Variants in COPA observed in about 807,000 individuals in gnomAD.
COPA encodes coat protein complex I subunit alpha.
A neutral mutation model predicts 158.7 loss-of-function variants in COPA; 10 were observed. The observed-to-expected ratio is 0.06, with a 90% CI of 0.04 to 0.11. The LOEUF (loss-of-function observed/expected upper bound fraction) is 0.11. Ranked by LOEUF, COPA falls within the 10% of genes least tolerant of loss-of-function variation. The pLI, the probability that COPA is intolerant of heterozygous loss-of-function variation, is 1.00. For missense variants in COPA, 1,065 were observed against 1,536.7 expected (o/e 0.69, Z 5.13); for synonymous variants, 462 against 542.8 (o/e 0.85, Z 2.07).
rs773125884 is a variant in COPA at position 160,306,396 on chromosome 1, C to T, written c.1400G>A (p.Arg467Gln). The T allele has an allele frequency of 3.1e-6, 5 of 1,613,416 alleles. No homozygotes were observed. Among genetic ancestry groups the T allele is most frequent in the Non-Finnish European group, 4.2e-6 (5 of 1,179,622 alleles). ...FYAGTGNLLL[R>Q]DADSITLFDV... ...AAAGAGTGTGATAGAGTCCGCATCTCGAAGCAGGAGATTGCCTGTGCCAGC... is the reference window on the plus strand; with the variant it reads ...AAAGAGTGTGATAGAGTCCGCATCTTGAAGCAGGAGATTGCCTGTGCCAGC... The change falls in exon 15 of 33, where the codon CGA (arginine) becomes CAA (glutamine). Residue 467 changes from arginine to glutamine, a missense_variant. This residue lies in a region of COPA where 980 missense variants were observed against 1,357.8 expected (regional missense o/e 0.72). Transcript: ENST00000241704.
chr1:160,306,304 C>G, intron 15 of COPA, 50 bp downstream of exon 15: 1 of 1,524,154 alleles, frequency 6.6e-7, no homozygotes, highest in Non-Finnish European at 8.8e-7. Flanking sequence ...TAAAGATGTC[C>G]ACTCTCCCCA....
Position 160,313,109 on chromosome 1 carries a change from G to T in COPA, c.901C>A (p.Pro301Thr), listed in dbSNP as rs188927828. Residue 301 changes from proline to threonine, a missense_variant, in exon 10 of 33, where the codon CCT (proline) becomes ACT (threonine). Pro to Thr is a conservative substitution (Grantham distance 38). Around this residue, in one of 2 missense-constraint regions of COPA, gnomAD observed 980 missense variants for 1,357.8 expected, o/e 0.72. Transcript: ENST00000241704. ...HDRFWVLAAH[P>T]NLNLFAAGHD... is the part of the protein sequence containing the mutation. ...CCTGCTGCAAAGAGGTTAAGGTTAG[G>T]GTGAGCAGCTAGGACCCAGAAACGA... 1.9e-6 allele frequency: 3 copies of T among 1,613,948 alleles called. No individual in the cohort carries two copies. The highest frequency in any genetic ancestry group is 1.7e-5 in the Admixed American group (1 of 59,984).
chr1:160,304,469 G>T (rs1658715524), intron 17 of COPA, among the ~76,000 whole-genome samples: 1 of 151,838 alleles, frequency 6.6e-6, no homozygotes, highest in Non-Finnish European at 1.5e-5. Context: ...CTCAAAACCA[G>T]CCTGGCCAAC....
intron 1 of COPA, among the ~76,000 whole-genome samples, chr1:160,342,705 A>T (rs1177689490): frequency 6.6e-6 from 1 of 152,164 alleles, no homozygotes; most frequent in Non-Finnish European, 1.5e-5. Flanking sequence ...TGAGGTTGCC[A>T]CTACTCGTCT....
intron 6 of COPA, 112 bp downstream of exon 6, chr1:160,332,336 A>T: frequency 1.7e-6 from 1 of 594,498 alleles, no homozygotes; most frequent in South Asian, 3.1e-5. Context: ...TGCTATTATA[A>T]AACAGAATAT....
Position 160,331,603 on chromosome 1 carries a change from C to T in COPA, c.496+845G>A, listed in dbSNP as rs917820052. Reference sequence around the variant, plus strand: ...CAGAGGTTGTAGCGAGCCGAGATTGCGCCACTGCATTTCAGCATGGGTGAG... The same window carrying T: ...CAGAGGTTGTAGCGAGCCGAGATTGTGCCACTGCATTTCAGCATGGGTGAG... On this transcript the variant is annotated intron_variant, in intron 6 of 32. Coordinates refer to ENST00000241704, the MANE Select transcript of COPA (RefSeq NM_004371.4). 1.2e-3 allele frequency among the ~76,000 whole-genome samples: 173 copies of T among 149,296 alleles called. 2 individuals carry two copies. Among genetic ancestry groups the T allele is most frequent in the Non-Finnish European group, 4.6e-4 (31 of 67,590 alleles).
At chr1:160,339,719 T>A (rs1886420) in intron 3 of COPA, 190 bp downstream of exon 3, 293,208 of 500,098 alleles carry the variant, frequency 0.59, 89,368 homozygotes, top group African/African-American at 0.86. Flanking sequence ...TTGAATTCCC[T>A]AAAAAGAAAA....
In COPA at chr1:160,313,067, A is replaced by C. The variant is rs200512734; in HGVS notation, c.925+18T>G. 1.9e-6 allele frequency: 3 copies of C among 1,606,850 alleles called. No individual in the cohort carries two copies. The Admixed American group carries it at 5.1e-5, about 27-fold the overall frequency. ...ACTTTGAATTAAGCAAAGAAAAAAG[A>C]GAGAAAATGGCCCTTACCTGCTGCA... On this transcript the variant is annotated intron_variant, in intron 10 of 32. Transcript: ENST00000241704.
At chr1:160,325,880 G>C (rs1659475502) in intron 6 of COPA, among the ~76,000 whole-genome samples, 1 of 152,166 alleles carries the variant, frequency 6.6e-6, no homozygotes, top group Non-Finnish European at 1.5e-5. Context: ...ATCCATTACT[G>C]GAATTTCTTT....
chr1:160,312,448 T>TG (rs1443654594), intron 10 of COPA, among the ~76,000 whole-genome samples: 2 of 151,768 alleles, frequency 1.3e-5, no homozygotes, highest in Non-Finnish European at 1.5e-5. Flanking sequence ...TTAAAAACCC[T>TG]TTGTGATTCT....
Position 160,290,285 on chromosome 1 carries a change from C to T in COPA, c.3616-69G>A. On this transcript the variant is annotated intron_variant, in intron 32 of 32. Transcript: ENST00000241704. Reference sequence around the variant, plus strand: ...TTGAGAACCCTAGAAAATGTATTCCCTATACCCCTCAATGGGCACAGTAGA... The same window carrying T: ...TTGAGAACCCTAGAAAATGTATTCCTTATACCCCTCAATGGGCACAGTAGA... 3 of 1,564,184 alleles carry T rather than the reference C, an allele frequency of 1.9e-6. No homozygotes were observed. The South Asian group carries it at 3.4e-5, about 18-fold the overall frequency.
chr1:160,325,161 C>T (rs1413967735), intron 7 of COPA, among the ~76,000 whole-genome samples: 1 of 151,470 alleles, frequency 6.6e-6, no homozygotes, highest in Non-Finnish European at 1.5e-5. Context: ...AAACTAGTTT[C>T]TTTCCCTTAT....
rs1418870691 is a variant in COPA, at chr1:160,342,417, C to T, written c.40+714G>A. Reference sequence around the variant, plus strand: ...CGATCTCAGTATTTGCCCTCCACCCCCAACGACCCACACTCGAGCTCTAGA... The same window carrying T: ...CGATCTCAGTATTTGCCCTCCACCCTCAACGACCCACACTCGAGCTCTAGA... On this transcript the variant is annotated intron_variant, in intron 1 of 32. Transcript: ENST00000241704. Among the ~76,000 whole-genome samples the T allele has an allele frequency of 3.9e-5, 6 of 152,048 alleles. No homozygotes were observed. The East Asian group carries it at 9.6e-4, about 24-fold the overall frequency.
chr1:160,324,082 T>C (rs1659416789), intron 7 of COPA, among the ~76,000 whole-genome samples: 1 of 152,008 alleles, frequency 6.6e-6, no homozygotes, highest in Admixed American at 6.6e-5. Flanking sequence ...AGGCTGGTCT[T>C]GAACTCCCGG....
Position 160,332,510 on chromosome 1 carries a change from G to T in COPA, c.434C>A (p.Pro145His). 1 of 1,613,744 alleles carries T rather than the reference G, an allele frequency of 6.2e-7. No homozygotes were observed. The highest frequency in any genetic ancestry group is 8.5e-7 in the Non-Finnish European group (1 of 1,179,968). ...GGCTGATACTACCAAGTCTTCTGTG[G>T]GGTGGAACTGAGCACACATCACATA... is the stretch of plus-strand genomic sequence containing the variant. ...NHYVMCAQFH[P>H]TEDLVVSASL... Residue 145 changes from proline to histidine, a missense_variant, in exon 6 of 33, where the codon CCC (proline) becomes CAC (histidine). By Grantham distance (77) the Pro-to-His change is moderately conservative (BLOSUM62 -2). This residue lies in a region of COPA where 980 missense variants were observed against 1,357.8 expected (regional missense o/e 0.72). Coordinates refer to ENST00000241704, the MANE Select transcript of COPA (RefSeq NM_004371.4).
At chr1:160,304,821 A>G (rs1455547422) in intron 17 of COPA, among the ~76,000 whole-genome samples, 2 of 152,184 alleles carry the variant, frequency 1.3e-5, no homozygotes, top group African/African-American at 4.8e-5. Context: ...ATACAAGCCA[A>G]AAACTAGAAT....
At chr1:160,315,220 C>T (rs1036305108) in intron 8 of COPA, among the ~76,000 whole-genome samples, 2 of 152,248 alleles carry the variant, frequency 1.3e-5, no homozygotes, top group Non-Finnish European at 2.9e-5. Context: ...AGGAGGTCAA[C>T]TACCTTCCCC....
chr1:160,305,636 CG>C (rs1557864602), intron 16 of COPA, 51 bp downstream of exon 16: 2 of 1,561,772 alleles, frequency 1.3e-6, no homozygotes, highest in African/African-American at 1.4e-5. Flanking sequence ...TGGCAGGGAT[CG>C]GGGTGGAAGG....
chr1:160,294,564 C>T lies in COPA; in HGVS notation c.2596G>A (p.Gly866Arg), dbSNP rs1658339993. The change falls in exon 25 of 33, where the codon GGG (glycine) becomes AGG (arginine). Residue 866 changes from glycine to arginine, a missense_variant. Physicochemically the swap from Gly to Arg is moderately radical, Grantham distance 125 (BLOSUM62 -2). Around this residue, in one of 2 missense-constraint regions of COPA, gnomAD observed 980 missense variants for 1,357.8 expected, o/e 0.72. Coordinates refer to ENST00000241704, the MANE Select transcript of COPA (RefSeq NM_004371.4). ...DGFVEATEGL[G>R]DDALGKGQEE... ...TGTCCCTTGCCAAGAGCATCATCCC[C>T]CAAACCTTCTGTAGCCTCCACAAAC... 6.2e-7 allele frequency: 1 copy of T among 1,614,072 alleles called. No homozygotes were observed. Among genetic ancestry groups the T allele is most frequent in the South Asian group, 1.1e-5 (1 of 91,088 alleles).
Sources: allele counts gnomAD v4.1 joint callset (sites outside exome capture counted in the v4.1 genomes callset), GRCh38; gene constraint gnomAD v4.1.1; regional missense constraint gnomAD v4.1.1; transcripts MANE v1.5; gene names NCBI Gene and HGNC (gene_info 2026-07-23, HGNC 2026-07-21).